The following PCDH11Y variants were observed in gnomAD, a reference collection of about 807,000 sequenced individuals.
The protein encoded by PCDH11Y is protocadherin 11 Y-linked.
For synonymous variants in PCDH11Y, 9 were observed against 83.6 expected (o/e 0.11, Z 4.87); for missense variants, 12 against 224.8 (o/e 0.05, Z 6.05).
intron 2 of PCDH11Y, among the ~76,000 whole-genome samples, chrY:5,239,271 T>G: frequency 3.0e-5 from 1 of 33,679 alleles, no homozygotes; most frequent in East Asian, 7.8e-4. Flanking sequence ...TTATATCCTT[T>G]GTAGGGACAT....
intron 2 of PCDH11Y, among the ~76,000 whole-genome samples, chrY:5,469,380 T>C: frequency 6.1e-5 from 2 of 32,865 alleles, no homozygotes; most frequent in Non-Finnish European, 1.5e-4. Context: ...CCTAAGAGAA[T>C]TGAATATATT....
chrY:5,194,504 T>G (rs2124648848), intron 2 of PCDH11Y, among the ~76,000 whole-genome samples: 1 of 27,983 alleles, frequency 3.6e-5, no homozygotes, highest in South Asian at 8.7e-4. Context: ...CATGGCTTGG[T>G]GGAGAGTGCG....
rs2053025856 is a variant in PCDH11Y, at chrY:5,266,318, C to T, written c.3129+165611C>T. Among the ~76,000 whole-genome samples, 4 of 33,032 alleles carry T rather than the reference C, an allele frequency of 1.2e-4. No homozygotes were observed. The South Asian group carries it at 2.7e-3, about 22-fold the overall frequency. The allele number at this position is 33,032 out of a possible 37,273, so 88.6% of individuals were successfully genotyped here. A position where few individuals can be genotyped will look rare whatever the true frequency, so the allele number is the denominator to read the frequency against. On this transcript the variant is annotated intron_variant, in intron 2 of 4. Coordinates refer to the PCDH11Y transcript ENST00000400457. The stretch of plus-strand genomic sequence containing the variant: ...TTGGGAGGCTGAGGTGGGCAGATCA[C>T]GAGCTCAGGAGTTCGAGAGCAGCCT...
intron 3 of PCDH11Y, among the ~76,000 whole-genome samples, chrY:5,530,549 A>G: frequency 6.1e-5 from 2 of 32,996 alleles, no homozygotes; most frequent in South Asian, 6.6e-4. Flanking sequence ...CAGTATTAGA[A>G]CAAAAGCTAC....
chrY:5,400,147 A>T, intron 2 of PCDH11Y, among the ~76,000 whole-genome samples: 6 of 34,139 alleles, frequency 1.8e-4, no homozygotes, highest in African/African-American at 6.9e-4. Context: ...TTATAGATTA[A>T]TGGGAAACAA....
chrY:5,482,774 A>G (rs2053328552), intron 2 of PCDH11Y, among the ~76,000 whole-genome samples: 1 of 27,949 alleles, frequency 3.6e-5, no homozygotes, highest in Non-Finnish European at 8.4e-5. Flanking sequence ...GCTCATAGTC[A>G]GGACTTACTA....
intron 2 of PCDH11Y, among the ~76,000 whole-genome samples, chrY:5,231,954 C>T: frequency 6.1e-5 from 2 of 32,877 alleles, no homozygotes; most frequent in Non-Finnish European, 1.5e-4. Flanking sequence ...CGTATACTGC[C>T]AGACTACCAC....
intron 2 of PCDH11Y, among the ~76,000 whole-genome samples, chrY:5,434,102 A>G: frequency 3.1e-5 from 1 of 32,537 alleles, no homozygotes; most frequent in African/African-American, 1.2e-4. Flanking sequence ...GCTGAGCATC[A>G]TGGTATAATT....
chrY:5,627,241 G>A (rs2053507980), intron 4 of PCDH11Y, among the ~76,000 whole-genome samples: 1 of 31,373 alleles, frequency 3.2e-5, no homozygotes, highest in African/African-American at 1.3e-4. Context: ...GTGATCTGCC[G>A]ACCTCAGCCT....
At chrY:5,070,742 G>A in intron 1 of PCDH11Y, among the ~76,000 whole-genome samples, 2 of 31,451 alleles carry the variant, frequency 6.4e-5, no homozygotes, top group East Asian at 1.7e-3. Context: ...GTGCAGGTTT[G>A]TTATATAGGT....
chrY:5,563,357 CA>C (rs2053431200), intron 3 of PCDH11Y, among the ~76,000 whole-genome samples: 24 of 33,050 alleles, frequency 7.3e-4, no homozygotes, highest in African/African-American at 2.8e-3. Flanking sequence ...AAAATGCATA[CA>C]AAAAGAGACC....
intron 2 of PCDH11Y, among the ~76,000 whole-genome samples, chrY:5,286,489 G>A: frequency 6.1e-5 from 2 of 33,002 alleles, no homozygotes; most frequent in Non-Finnish European, 1.5e-4. Context: ...GGGCAGTATG[G>A]CCATTTAACA....
At chrY:5,127,319 C>T in intron 2 of PCDH11Y, among the ~76,000 whole-genome samples, 5 of 31,701 alleles carry the variant, frequency 1.6e-4, no homozygotes, top group Non-Finnish European at 3.0e-4. Context: ...TCTTTTACTG[C>T]CTCAGCTTCC....
intron 2 of PCDH11Y, among the ~76,000 whole-genome samples, chrY:5,219,329 C>A: frequency 3.1e-5 from 1 of 32,627 alleles, no homozygotes; most frequent in African/African-American, 1.2e-4. Context: ...ACATCCCCCC[C>A]CCACAGTTTA....
intron 2 of PCDH11Y, among the ~76,000 whole-genome samples, chrY:5,254,399 T>A: frequency 2.9e-5 from 1 of 33,977 alleles, no homozygotes. Flanking sequence ...TTATATCACC[T>A]ATTACATAAA....
intron 2 of PCDH11Y, among the ~76,000 whole-genome samples, chrY:5,193,475 CTTAGT>C (rs2052914754): frequency 3.0e-5 from 1 of 32,857 alleles, no homozygotes; most frequent in African/African-American, 1.2e-4. Flanking sequence ...AAATGGGTGA[CTTAGT>C]TTAGTCATAT....
At chrY:5,624,175 A>C in intron 4 of PCDH11Y, among the ~76,000 whole-genome samples, 1 of 32,033 alleles carries the variant, frequency 3.1e-5, no homozygotes, top group African/African-American at 1.2e-4. Context: ...GCTTTTGCTC[A>C]ATTAGTATGT....
chrY:5,596,958 G>A (rs2053467446), intron 4 of PCDH11Y, among the ~76,000 whole-genome samples: 1 of 31,119 alleles, frequency 3.2e-5, no homozygotes, highest in Non-Finnish European at 7.7e-5. Context: ...TACAAATTCC[G>A]AAACAAACAA....
At chrY:5,072,556 T>C in intron 1 of PCDH11Y, among the ~76,000 whole-genome samples, 1 of 32,453 alleles carries the variant, frequency 3.1e-5, no homozygotes. Flanking sequence ...TTAATTAAGA[T>C]GTAGGGAGCT....
Sources: gnomAD v4.1 joint callset for allele counts (sites outside exome capture counted in the v4.1 genomes callset) on GRCh38, gnomAD v4.1.1 for gene constraint, MANE v1.5 for transcripts, NCBI Gene and HGNC (gene_info 2026-07-23, HGNC 2026-07-21) for gene names.